Variants in SLCO1B1 observed in about 807,000 individuals in gnomAD.
SLCO1B1 encodes the protein solute carrier organic anion transporter family member 1B1, also known as OATP-2.
In SLCO1B1, 81 loss-of-function variants were observed where a neutral mutation model predicts 70.1. That is an observed-to-expected ratio of 1.16 (90% CI 0.97 to 1.39). SLCO1B1 has a LOEUF of 1.39. SLCO1B1 is among the 40% of genes most tolerant of loss of function. SLCO1B1 has a pLI of 0.00. For synonymous variants in SLCO1B1, 283 were observed against 271.5 expected (o/e 1.04, Z -0.42); for missense variants, 895 against 799.6 (o/e 1.12, Z -1.44).
At position 21,155,937 on chromosome 12, in the gene SLCO1B1, C is replaced by T. The variant is rs189058119; in HGVS notation, c.84+14279C>T. 3.9e-5 allele frequency among the ~76,000 whole-genome samples: 6 copies of T among 152,306 alleles called. No individual in the cohort carries two copies. In the East Asian group the frequency reaches 9.6e-4, roughly 24 times the overall value. ...CTGATTTTACTCTGGAGGACACATG[C>T]AACCAATGTCTGAACAGTCATACTC... On this transcript the variant is annotated intron_variant, in intron 2 of 14. Transcript: ENST00000256958.
chr12:21,225,396 A>C (rs1001674582), intron 14 of SLCO1B1, among the ~76,000 whole-genome samples: 4 of 152,170 alleles, frequency 2.6e-5, no homozygotes, highest in Admixed American at 6.5e-5. Context: ...ATCTGGAAAA[A>C]CAAAAAGCTA....
chr12:21,198,487 G>C (rs970525589), intron 8 of SLCO1B1, among the ~76,000 whole-genome samples: 2 of 152,022 alleles, frequency 1.3e-5, no homozygotes, highest in Admixed American at 6.6e-5. Context: ...AAGGAGCGGG[G>C]TTGACTGTGA....
At chr12:21,208,284 G>T (rs539993823) in intron 11 of SLCO1B1, among the ~76,000 whole-genome samples, 1 of 152,042 alleles carries the variant, frequency 6.6e-6, no homozygotes, top group African/African-American at 2.4e-5. Flanking sequence ...ATTTCAGTCT[G>T]TAATACATTT....
chr12:21,163,763 A>AC (rs1940651710), intron 2 of SLCO1B1, among the ~76,000 whole-genome samples: 1 of 151,980 alleles, frequency 6.6e-6, no homozygotes, highest in Admixed American at 6.6e-5. Flanking sequence ...TTATCTAATC[A>AC]CCCCCCAAAA....
intron 2 of SLCO1B1, among the ~76,000 whole-genome samples, chr12:21,168,229 T>C (rs530810524): frequency 4.6e-5 from 7 of 152,338 alleles, no homozygotes; most frequent in African/African-American, 1.4e-4. Context: ...TAGCACATGA[T>C]GTAATTTACT....
chr12:21,161,924 C>G (rs528231158), intron 2 of SLCO1B1, among the ~76,000 whole-genome samples: 1 of 152,138 alleles, frequency 6.6e-6, no homozygotes, highest in East Asian at 1.9e-4. Context: ...AGGAAAATCT[C>G]TGGAACCTGG....
intron 11 of SLCO1B1, among the ~76,000 whole-genome samples, chr12:21,208,258 T>A (rs1033827028): frequency 1.3e-5 from 2 of 152,148 alleles, no homozygotes; most frequent in African/African-American, 4.8e-5. Context: ...GTGGTTTTTA[T>A]AGTTTTAGGT....
chr12:21,140,288 T>C (rs1462355228), intron 1 of SLCO1B1, among the ~76,000 whole-genome samples: 1 of 152,082 alleles, frequency 6.6e-6, no homozygotes, highest in Non-Finnish European at 1.5e-5. Context: ...GTATCTATGC[T>C]GTGTCTGCTT....
In SLCO1B1 at chr12:21,203,075, T is replaced by C. The variant is rs565137029; in HGVS notation, c.1331+389T>C. Among the ~76,000 whole-genome samples the C allele has an allele frequency of 8.5e-5, 13 of 152,170 alleles. No homozygotes were observed. In the East Asian group the frequency reaches 2.5e-3, roughly 29 times the overall value. On this transcript the variant is annotated intron_variant, in intron 10 of 14. Coordinates refer to ENST00000256958, the MANE Select transcript of SLCO1B1 (RefSeq NM_006446.5). The stretch of plus-strand genomic sequence containing the variant: ...AAACTCTTAGTCTTAACCACCACTG[T>C]AATCTTGGATGGATCATAAGAGTTA...
intron 12 of SLCO1B1, among the ~76,000 whole-genome samples, chr12:21,221,366 C>G (rs1306270149): frequency 6.6e-6 from 1 of 151,926 alleles, no homozygotes; most frequent in Non-Finnish European, 1.5e-5. Context: ...AAGAGGAACT[C>G]AAATAAACTC....
intron 12 of SLCO1B1, among the ~76,000 whole-genome samples, chr12:21,218,393 T>C (rs1375031494): frequency 6.6e-6 from 1 of 152,182 alleles, no homozygotes. Context: ...TAACATTCAA[T>C]TGTACTTTTA....
chr12:21,168,531 T>C (rs1940719566), intron 2 of SLCO1B1, among the ~76,000 whole-genome samples: 1 of 152,206 alleles, frequency 6.6e-6, no homozygotes, highest in East Asian at 1.9e-4. Flanking sequence ...AACATGAAGT[T>C]CCTAACTTCT....
intron 2 of SLCO1B1, among the ~76,000 whole-genome samples, chr12:21,169,824 T>C (rs1298749775): frequency 6.6e-6 from 1 of 152,184 alleles, no homozygotes; most frequent in Non-Finnish European, 1.5e-5. Context: ...GATTTTAACA[T>C]TTAAAAAATC....
intron 11 of SLCO1B1, 77 bp from the exon 12 acceptor site, chr12:21,217,041 TA>T (rs4149100): frequency 0.18 from 191,296 of 1,074,206 alleles, 19,827 homozygotes; most frequent in East Asian, 0.42. Flanking sequence ...GAGACTTCAC[TA>T]AATATAATGC....
At chr12:21,215,046 T>C (rs907493413) in intron 11 of SLCO1B1, among the ~76,000 whole-genome samples, 2 of 152,220 alleles carry the variant, frequency 1.3e-5, no homozygotes, top group Non-Finnish European at 2.9e-5. Flanking sequence ...CGCTGGGAGC[T>C]GTAGACCGGA....
chr12:21,194,613 T>C (rs997912823), intron 7 of SLCO1B1, among the ~76,000 whole-genome samples: 1 of 152,272 alleles, frequency 6.6e-6, no homozygotes, highest in African/African-American at 2.4e-5. Context: ...TCCTTCATTT[T>C]CTTATCTTCT....
rs754523481 is a variant in SLCO1B1, at chr12:21,176,847, T to G, written c.431T>G (p.Ile144Ser). 2 of 1,553,188 alleles carry G rather than the reference T, an allele frequency of 1.3e-6. No homozygotes were observed. Among genetic ancestry groups the G allele is most frequent in the Non-Finnish European group, 8.9e-7 (1 of 1,124,576 alleles). Residue 144 changes from isoleucine to serine, a missense_variant, in exon 5 of 15, where the codon ATT becomes AGT. Transcript: ENST00000256958. ...NSTSTLSTCL[I>S]NQILSLNRAS... ...ACATCGACCTTATCCACTTGTTTAA[T>G]TAATCAAATTTTATCACTCAATAGA... is the stretch of plus-strand genomic sequence containing the variant.
At chr12:21,224,959 T>C (rs1941468338) in intron 14 of SLCO1B1, 120 bp downstream of exon 14, 2 of 590,852 alleles carry the variant, frequency 3.4e-6, no homozygotes, top group Admixed American at 5.6e-5. Flanking sequence ...AAAACTGACT[T>C]TGCATGCAGT....
chr12:21,135,964 G>T (rs1940214738), intron 1 of SLCO1B1, among the ~76,000 whole-genome samples: 1 of 152,146 alleles, frequency 6.6e-6, no homozygotes, highest in African/African-American at 2.4e-5. Context: ...TTTTTGCAGT[G>T]GCTGGTACCA....
Sources: gnomAD v4.1 joint callset for allele counts (sites outside exome capture counted in the v4.1 genomes callset) on GRCh38, gnomAD v4.1.1 for gene constraint, MANE v1.5 for transcripts, NCBI Gene and HGNC (gene_info 2026-07-23, HGNC 2026-07-21) for gene names.